NEK1: variants seen among roughly 807,000 people sequenced by gnomAD.
NEK1 encodes the protein serine/threonine-protein kinase Nek1.
Under a neutral mutation model 182.1 loss-of-function variants are expected in NEK1, and 137 were observed. That is an observed-to-expected ratio of 0.75 (90% confidence interval 0.65 to 0.87). The LOEUF (loss-of-function observed/expected upper bound fraction) is 0.87, where lower values mean the gene tolerates loss of function less well. Ranked by LOEUF, NEK1 falls within the 40% of genes least tolerant of loss-of-function variation. NEK1 has a pLI of 0.00. For missense variants in NEK1, 1,391 were observed against 1,494.4 expected (o/e 0.93, Z 1.14); for synonymous variants, 513 against 492.2 (o/e 1.04, Z -0.56).
intron 26 of NEK1, among the ~76,000 whole-genome samples, chr4:169,468,579 G>T (rs1045395572): frequency 6.6e-6 from 1 of 152,080 alleles, no homozygotes; most frequent in Non-Finnish European, 1.5e-5. Context: ...TGAATTGCAT[G>T]AAACAATGAC....
intron 26 of NEK1, among the ~76,000 whole-genome samples, chr4:169,471,762 T>C (rs907158024): frequency 2.0e-5 from 3 of 152,034 alleles, no homozygotes; most frequent in African/African-American, 7.2e-5. Context: ...CCCAGGGACA[T>C]GGGAGTTTTT....
intron 29 of NEK1, among the ~76,000 whole-genome samples, chr4:169,429,295 C>T (rs1736992274): frequency 6.6e-6 from 1 of 152,100 alleles, no homozygotes; most frequent in South Asian, 2.1e-4. Flanking sequence ...TTGGCTGTGA[C>T]TCTCCTGGAA....
At chr4:169,511,919 T>A (rs1348806747) in intron 19 of NEK1, among the ~76,000 whole-genome samples, 1 of 152,172 alleles carries the variant, frequency 6.6e-6, no homozygotes, top group Non-Finnish European at 1.5e-5. Flanking sequence ...CCATCTATGG[T>A]ATTGCAATGC....
At position 169,463,306 on chromosome 4, in the gene NEK1, T is replaced by G. The variant is rs1455924433; in HGVS notation, c.2524A>C (p.Ile842Leu). The G allele has an allele frequency of 6.2e-7, 1 of 1,605,626 alleles. No homozygotes were observed. The highest frequency in any genetic ancestry group is 1.3e-5 in the African/African-American group (1 of 74,702). The change falls in exon 27 of 36, where the codon ATA becomes CTA. Residue 842 changes from isoleucine (I) to leucine (L), a missense_variant. Ile to Leu is a conservative substitution (Grantham distance 5, BLOSUM62 2). Around this residue, in one of 5 missense-constraint regions of NEK1, gnomAD observed 1,216 missense variants for 1,277.6 expected, o/e 0.95. Coordinates refer to ENST00000507142, the MANE Select transcript of NEK1 (RefSeq NM_001199397.3). ...GKSPTDSVLKILGEAELQLQT... is the reference protein window; with the variant it reads ...GKSPTDSVLKLLGEAELQLQT... ...AGTTGTAGTTCAGCTTCTCCAAGTA[T>G]CTTTAGAACAGAATCTGTCGGACTT...
chr4:169,455,862 G>A (rs576172736), intron 27 of NEK1, among the ~76,000 whole-genome samples: 1 of 152,192 alleles, frequency 6.6e-6, no homozygotes, highest in African/African-American at 2.4e-5. Context: ...AGACCAAATG[G>A]ACCTAATCGA....
rs758210341 is a variant in NEK1 at position 169,602,638 on chromosome 4, T to C, written c.-8A>G. On this transcript the variant is annotated 5_prime_UTR_variant, in exon 3 of 36. Coordinates refer to ENST00000507142, the MANE Select transcript of NEK1 (RefSeq NM_001199397.3). ...TCTAACATACTTCTCCATGATTCTT[T>C]TTCTAAGGCATCTTTACAGATATGC... The C allele has an allele frequency of 1.4e-6, 2 of 1,464,106 alleles. No homozygotes were observed. The highest frequency in any genetic ancestry group is 1.4e-5 in the African/African-American group (1 of 71,846). The allele number at this position is 1,464,106 out of a possible 1,614,324, so 90.7% of individuals were successfully genotyped here.
intron 16 of NEK1, among the ~76,000 whole-genome samples, chr4:169,558,666 T>C (rs1055439573): frequency 1.3e-5 from 2 of 152,204 alleles, no homozygotes; most frequent in Non-Finnish European, 2.9e-5. Context: ...CTCTTCCATA[T>C]TATAATCACC....
chr4:169,552,014 GA>G (rs979688973), intron 18 of NEK1, among the ~76,000 whole-genome samples: 4 of 151,782 alleles, frequency 2.6e-5, no homozygotes, highest in African/African-American at 7.3e-5. Context: ...TGAGAGGAAG[GA>G]AAAAAAGATT....
chr4:169,459,843 T>C (rs1743625026), intron 27 of NEK1, among the ~76,000 whole-genome samples: 1 of 152,044 alleles, frequency 6.6e-6, no homozygotes, highest in Non-Finnish European at 1.5e-5. Context: ...ACTATGGAGA[T>C]AGTAAAATAA....
chr4:169,605,773 C>T (rs1344716673), intron 2 of NEK1, among the ~76,000 whole-genome samples: 1 of 152,166 alleles, frequency 6.6e-6, no homozygotes, highest in Non-Finnish European at 1.5e-5. Flanking sequence ...TTTACTCACT[C>T]TATAGTGTTC....
chr4:169,440,760 T>C (rs1020438342), intron 27 of NEK1, among the ~76,000 whole-genome samples: 2 of 152,202 alleles, frequency 1.3e-5, no homozygotes, highest in African/African-American at 2.4e-5. Context: ...CATGGACTCC[T>C]GCAAGCCTAG....
intron 23 of NEK1, among the ~76,000 whole-genome samples, chr4:169,502,884 A>T (rs1420144787): frequency 6.6e-6 from 1 of 152,188 alleles, no homozygotes; most frequent in African/African-American, 2.4e-5. Context: ...CAGCCAGAGC[A>T]ATCAGGCTAG....
intron 27 of NEK1, among the ~76,000 whole-genome samples, chr4:169,457,034 G>A (rs1743014239): frequency 6.6e-6 from 1 of 152,122 alleles, no homozygotes; most frequent in Admixed American, 6.5e-5. Context: ...GATAAAGAGA[G>A]CAGAATGGTA....
At chr4:169,581,486 T>C (rs949031276) in intron 10 of NEK1, among the ~76,000 whole-genome samples, 1 of 152,172 alleles carries the variant, frequency 6.6e-6, no homozygotes, top group African/African-American at 2.4e-5. Context: ...GGTCTCCTTA[T>C]GTTGCTCAGG....
intron 31 of NEK1, among the ~76,000 whole-genome samples, chr4:169,418,634 T>C (rs1457921252): frequency 6.6e-6 from 1 of 152,136 alleles, no homozygotes; most frequent in African/African-American, 2.4e-5. Flanking sequence ...ATTAATAGTA[T>C]ATTATTGCAG....
chr4:169,479,434 G>T lies in NEK1; in HGVS notation c.2108C>A (p.Ser703Tyr). 1 of 1,611,662 alleles carries T rather than the reference G, an allele frequency of 6.2e-7. No homozygotes were observed. The highest frequency in any genetic ancestry group is 8.5e-7 in the Non-Finnish European group (1 of 1,178,944). Residue 703 changes from serine to tyrosine, a missense_variant, in exon 24 of 36, where the codon TCT (serine) becomes TAT (tyrosine). This residue lies in a region of NEK1 where 1,216 missense variants were observed against 1,277.6 expected (regional missense o/e 0.95). Coordinates refer to ENST00000507142, the MANE Select transcript of NEK1 (RefSeq NM_001199397.3). ...AACTTCTTTCAAAGCTGAAGTTACA[G>T]AAATAACAGATCTCATCTGTTGCTT... The part of the protein sequence containing the change: ...PSKQQMRSVI[S>Y]VTSALKEVGV...
At chr4:169,521,071 C>T (rs968293883) in intron 19 of NEK1, among the ~76,000 whole-genome samples, 1 of 88,382 alleles carries the variant, frequency 1.1e-5, no homozygotes, top group Non-Finnish European at 2.3e-5. Flanking sequence ...TTTACCTAAG[C>T]AAGCCTGGGC....
chr4:169,554,796 AATG>A (rs1218702687), intron 18 of NEK1: 1 of 152,192 alleles, frequency 6.6e-6, no homozygotes, highest in East Asian at 1.9e-4. Context: ...AGTAAACTCT[AATG>A]TAAACTATGG....
intron 26 of NEK1, among the ~76,000 whole-genome samples, chr4:169,467,689 AT>A (rs1745184667): frequency 6.6e-6 from 1 of 151,694 alleles, no homozygotes; most frequent in Non-Finnish European, 1.5e-5. Flanking sequence ...ATTGAGGAGC[AT>A]CTGGATTTAA....
Sources: gnomAD v4.1 joint callset for allele counts (sites outside exome capture counted in the v4.1 genomes callset) on GRCh38, gnomAD v4.1.1 for gene constraint, gnomAD v4.1.1 regional missense constraint, MANE v1.5 for transcripts, NCBI Gene and HGNC (gene_info 2026-07-23, HGNC 2026-07-21) for gene names.